Variants in DLG2 observed in about 807,000 individuals in gnomAD.
DLG2 encodes the protein disks large homolog 2.
DLG2 carries 45 observed loss-of-function variants against 132.5 expected under a neutral mutation model. The observed-to-expected ratio is 0.34, with a 90% CI of 0.27 to 0.44. DLG2 has a LOEUF of 0.44. Ranked by LOEUF, DLG2 falls within the 20% of genes least tolerant of loss-of-function variation. The pLI is 1.00. For missense variants in DLG2, 1,045 were observed against 1,196.9 expected (o/e 0.87, Z 1.87); for synonymous variants, 424 against 419.6 (o/e 1.01, Z -0.13).
chr11:83,830,627 C>A (rs773854432), intron 17 of DLG2, among the ~76,000 whole-genome samples: 8 of 152,182 alleles, frequency 5.3e-5, no homozygotes, highest in Non-Finnish European at 8.8e-5. Flanking sequence ...GCACACAGTG[C>A]GGTGTGCACC....
intron 3 of DLG2, among the ~76,000 whole-genome samples, chr11:85,500,165 T>C (rs187510299): frequency 8.5e-5 from 13 of 152,250 alleles, no homozygotes; most frequent in African/African-American, 2.4e-4. Flanking sequence ...TGTCTCCCTT[T>C]GCAGATGACA....
intron 16 of DLG2, among the ~76,000 whole-genome samples, chr11:83,864,824 A>C (rs997130443): frequency 2.6e-5 from 4 of 151,206 alleles, no homozygotes; most frequent in African/African-American, 9.7e-5. Context: ...AGAAAAAAAA[A>C]CCAGATTTCA....
At chr11:84,013,467 T>C (rs1042245937) in intron 11 of DLG2, among the ~76,000 whole-genome samples, 2 of 152,170 alleles carry the variant, frequency 1.3e-5, no homozygotes, top group African/African-American at 4.8e-5. Flanking sequence ...TAAATTCCTA[T>C]GTGAACATAG....
At chr11:84,087,306 C>A (rs1400320069) in intron 10 of DLG2, among the ~76,000 whole-genome samples, 1 of 152,122 alleles carries the variant, frequency 6.6e-6, no homozygotes, top group Non-Finnish European at 1.5e-5. Context: ...TACATCCTTG[C>A]CAACACTTAT....
At chr11:84,801,644 C>A (rs539188919) in intron 6 of DLG2, among the ~76,000 whole-genome samples, 62 of 152,168 alleles carry the variant, frequency 4.1e-4, no homozygotes, top group Non-Finnish European at 6.3e-4. Flanking sequence ...AGCTGTGTCC[C>A]CCAGATGAAA....
chr11:85,602,315 T>C (rs772445587), intron 2 of DLG2, among the ~76,000 whole-genome samples: 7 of 152,212 alleles, frequency 4.6e-5, no homozygotes, highest in Non-Finnish European at 1.0e-4. Context: ...CCCATCATCA[T>C]CTATCCCCTA....
At chr11:85,002,526 C>T (rs2058305915) in intron 6 of DLG2, among the ~76,000 whole-genome samples, 1 of 152,110 alleles carries the variant, frequency 6.6e-6, no homozygotes, top group Admixed American at 6.6e-5. Flanking sequence ...TTGGCCTTTT[C>T]CTTTTTTATC....
At chr11:85,553,066 C>T (rs2076755944) in intron 3 of DLG2, among the ~76,000 whole-genome samples, 1 of 151,460 alleles carries the variant, frequency 6.6e-6, no homozygotes, top group Admixed American at 6.6e-5. Flanking sequence ...TGGAGAATGC[C>T]CTAATTATAA....
At chr11:83,568,837 G>A (rs540609976) in intron 19 of DLG2, among the ~76,000 whole-genome samples, 4 of 152,206 alleles carry the variant, frequency 2.6e-5, no homozygotes, top group African/African-American at 9.6e-5. Flanking sequence ...TTGTAAAATC[G>A]CATTCACATC....
At chr11:84,801,005 C>T (rs1299818731) in intron 6 of DLG2, among the ~76,000 whole-genome samples, 2 of 152,082 alleles carry the variant, frequency 1.3e-5, no homozygotes, top group Non-Finnish European at 2.9e-5. Context: ...GCTGAGCAAG[C>T]CTGGGGAGCA....
intron 8 of DLG2, among the ~76,000 whole-genome samples, chr11:84,196,005 A>G (rs1396607194): frequency 6.6e-6 from 1 of 152,252 alleles, no homozygotes; most frequent in African/African-American, 2.4e-5. Context: ...ACAAGTGCTT[A>G]ACATAAAACC....
intron 7 of DLG2, among the ~76,000 whole-genome samples, chr11:84,440,756 C>G (rs113752994): frequency 2.5e-4 from 38 of 152,264 alleles, no homozygotes; most frequent in African/African-American, 9.1e-4. Flanking sequence ...TCCATTTAAG[C>G]AGCTTTGGGT....
intron 3 of DLG2, chr11:85,453,559 C>T (rs2092322081): frequency 6.5e-6 from 1 of 154,986 alleles, no homozygotes; most frequent in African/African-American, 2.4e-5. Flanking sequence ...ACCCCATTAT[C>T]ATCGTTTTGC....
At chr11:83,923,592 C>T (rs1226301659) in intron 15 of DLG2, among the ~76,000 whole-genome samples, 3 of 152,084 alleles carry the variant, frequency 2.0e-5, no homozygotes, top group Non-Finnish European at 4.4e-5. Flanking sequence ...CAAGAGTGCT[C>T]ATTCTGTCCA....
rs754572978 is a variant in DLG2 at position 83,472,704 on chromosome 11, T to C, written c.2344+23A>G. The C allele has an allele frequency of 2.5e-6, 4 of 1,608,338 alleles. No homozygotes were observed. The African/African-American group carries it at 5.4e-5, about 22-fold the overall frequency. The stretch of plus-strand genomic sequence containing the variant: ...CCTCTTATGGCCCAGAAATTAGGAA[T>C]GAAAGCGTGCTGGGAAACTTACTTT... On this transcript the variant is annotated intron_variant, in intron 23 of 27. Transcript: ENST00000376104.
intron 3 of DLG2, among the ~76,000 whole-genome samples, chr11:85,533,773 T>C (rs2075379896): frequency 6.6e-6 from 1 of 152,174 alleles, no homozygotes; most frequent in South Asian, 2.1e-4. Flanking sequence ...AAACATTCTT[T>C]AGGTTCAGCG....
chr11:85,361,490 T>C (rs1437171746), intron 3 of DLG2, among the ~76,000 whole-genome samples: 1 of 152,170 alleles, frequency 6.6e-6, no homozygotes, highest in East Asian at 1.9e-4. Flanking sequence ...CCAATGGCTA[T>C]TATTCCACTC....
At chr11:84,989,203 T>G (rs1382083305) in intron 6 of DLG2, among the ~76,000 whole-genome samples, 1 of 151,994 alleles carries the variant, frequency 6.6e-6, no homozygotes, top group Non-Finnish European at 1.5e-5. Flanking sequence ...TGAGATGGAG[T>G]TTCGCTCTTT....
At chr11:85,027,162 C>CAGTGTG (rs1474290661) in intron 6 of DLG2, among the ~76,000 whole-genome samples, 2 of 128,946 alleles carry the variant, frequency 1.6e-5, no homozygotes, top group Non-Finnish European at 3.1e-5. Context: ...GCAGCATATA[C>CAGTGTG]AGTGTGGTCT....
Sources: gnomAD v4.1 joint callset for allele counts (sites outside exome capture counted in the v4.1 genomes callset) on GRCh38, gnomAD v4.1.1 for gene constraint, MANE v1.5 for transcripts, NCBI Gene and HGNC (gene_info 2026-07-23, HGNC 2026-07-21) for gene names.